The following CSMD1 variants were observed in gnomAD, a reference collection of about 807,000 sequenced individuals.
CSMD1 encodes CUB and Sushi multiple domains 1.
In CSMD1, 213 loss-of-function variants were observed where a neutral mutation model predicts 417.5. The observed-to-expected ratio is 0.51, with a 90% CI of 0.46 to 0.57. The LOEUF (loss-of-function observed/expected upper bound fraction) is 0.57, where lower values mean the gene tolerates loss of function less well. Among genes scored for constraint, CSMD1 ranks in the 20% least tolerant of loss-of-function variants. CSMD1 has a pLI of 0.00. For missense variants in CSMD1, 6,923 were observed against 4,529.7 expected, an observed-to-expected ratio of 1.53 and a Z score of -15.17; for synonymous variants, 2,862 against 1,736.8, an observed-to-expected ratio of 1.65 and a Z score of -16.11.
At chr8:3,730,040 G>T (rs1021598915) in intron 6 of CSMD1, among the ~76,000 whole-genome samples, 1 of 149,108 alleles carries the variant, frequency 6.7e-6, no homozygotes, top group South Asian at 2.1e-4. Flanking sequence ...CGCTGCAAGT[G>T]TTTCCACAGG....
At chr8:4,104,908 TGTGA>T (rs1460473479) in intron 3 of CSMD1, among the ~76,000 whole-genome samples, 90 of 152,168 alleles carry the variant, frequency 5.9e-4, no homozygotes, top group African/African-American at 2.0e-3. Flanking sequence ...TCAATCCCAC[TGTGA>T]GTGAGAATTA....
chr8:3,343,537 GATGCAGTTT>G, intron 22 of CSMD1, 87 bp from the exon 23 acceptor site: 1 of 1,215,254 alleles, frequency 8.2e-7, no homozygotes, highest in Non-Finnish European at 1.2e-6. Flanking sequence ...AATCTTCAAA[GATGCAGTTT>G]TAAACAATAC....
chr8:3,801,078 T>C (rs763366238), intron 5 of CSMD1, among the ~76,000 whole-genome samples: 6 of 151,726 alleles, frequency 4.0e-5, no homozygotes, highest in Non-Finnish European at 7.4e-5. Context: ...CTTGATATGA[T>C]ACAAAAAGCA....
intron 2 of CSMD1, among the ~76,000 whole-genome samples, chr8:4,549,130 T>C (rs892433548): frequency 2.6e-5 from 4 of 152,134 alleles, no homozygotes; most frequent in African/African-American, 4.8e-5. Flanking sequence ...AAAAATAGCA[T>C]CTTGCCCCAA....
intron 5 of CSMD1, among the ~76,000 whole-genome samples, chr8:3,889,754 C>A (rs952658588): frequency 7.9e-5 from 12 of 151,766 alleles, no homozygotes; most frequent in African/African-American, 2.7e-4. Context: ...ATAGTATCAC[C>A]TTAAGCATAT....
At chr8:3,572,706 C>A (rs1314789883) in intron 10 of CSMD1, among the ~76,000 whole-genome samples, 1 of 152,164 alleles carries the variant, frequency 6.6e-6, no homozygotes, top group Non-Finnish European at 1.5e-5. Flanking sequence ...TGGGATACTT[C>A]TGGTCTCGAT....
chr8:3,415,603 C>T lies in CSMD1; in HGVS notation c.1562-5998G>A, dbSNP rs530989746. ...CCAACTCCTGGCCTCAAGTGATCTG[C>T]CCTCCTCTAGCCTCCCAACAGGCTG... is the stretch of plus-strand genomic sequence containing the variant. On this transcript the variant is annotated intron_variant, in intron 12 of 69. Transcript: ENST00000635120. Among the ~76,000 whole-genome samples, 34 of 152,276 alleles carry T rather than the reference C, an allele frequency of 2.2e-4. No individual in the cohort carries two copies. In the South Asian group the frequency reaches 6.8e-3, roughly 31 times the overall value.
intron 19 of CSMD1, among the ~76,000 whole-genome samples, chr8:3,367,680 A>G (rs565364108): frequency 9.8e-5 from 15 of 152,356 alleles, no homozygotes; most frequent in East Asian, 3.9e-4. Flanking sequence ...TTAAGTGCAT[A>G]TAAGTACAGA....
At chr8:4,794,674 C>G (rs147219720) in intron 1 of CSMD1, among the ~76,000 whole-genome samples, 39 of 152,294 alleles carry the variant, frequency 2.6e-4, no homozygotes, top group African/African-American at 8.7e-4. Flanking sequence ...CTTCTGCTGA[C>G]TGCTATTGGC....
intron 3 of CSMD1, among the ~76,000 whole-genome samples, chr8:4,158,516 A>T (rs904559869): frequency 3.2e-4 from 49 of 152,290 alleles, no homozygotes; most frequent in African/African-American, 1.2e-3. Context: ...AAAAACTCCC[A>T]AAGAAACAGT....
intron 3 of CSMD1, among the ~76,000 whole-genome samples, chr8:4,236,969 T>C (rs1234319442): frequency 6.6e-6 from 1 of 152,240 alleles, no homozygotes; most frequent in East Asian, 1.9e-4. Context: ...GCAGTTACAC[T>C]GAGGACCAAC....
chr8:4,428,775 A>C (rs554884702), intron 2 of CSMD1, among the ~76,000 whole-genome samples: 1 of 152,114 alleles, frequency 6.6e-6, no homozygotes, highest in African/African-American at 2.4e-5. Context: ...GCTGGAGTGC[A>C]GTGGCGTGAT....
At chr8:3,862,691 A>G (rs2129106579) in intron 5 of CSMD1, among the ~76,000 whole-genome samples, 1 of 152,194 alleles carries the variant, frequency 6.6e-6, no homozygotes, top group East Asian at 1.9e-4. Context: ...TTTTCTATAT[A>G]GGAATTCAAA....
intron 7 of CSMD1, among the ~76,000 whole-genome samples, chr8:3,650,206 A>G (rs1290365238): frequency 6.6e-6 from 1 of 152,012 alleles, no homozygotes; most frequent in Non-Finnish European, 1.5e-5. Context: ...TTGAACCCAG[A>G]AGGCAGATTT....
chr8:4,697,064 C>G (rs1807181870), intron 1 of CSMD1, among the ~76,000 whole-genome samples: 1 of 152,086 alleles, frequency 6.6e-6, no homozygotes, highest in South Asian at 2.1e-4. Flanking sequence ...CCCAGCTACT[C>G]AGGAGGCTGA....
intron 5 of CSMD1, among the ~76,000 whole-genome samples, chr8:3,756,436 C>T (rs536510425): frequency 6.6e-5 from 10 of 151,696 alleles, no homozygotes; most frequent in Middle Eastern, 3.4e-3. Context: ...ATACAAAAAA[C>T]GTTAAATTCA....
chr8:4,894,803 G>C (rs894911148), intron 1 of CSMD1, among the ~76,000 whole-genome samples: 1 of 151,868 alleles, frequency 6.6e-6, no homozygotes, highest in African/African-American at 2.4e-5. Context: ...ATTTCCTCAT[G>C]AACGGACAAC....
chr8:4,867,805 C>A (rs933316780), intron 1 of CSMD1, among the ~76,000 whole-genome samples: 1 of 152,050 alleles, frequency 6.6e-6, no homozygotes, highest in Non-Finnish European at 1.5e-5. Flanking sequence ...TAAATACATT[C>A]ATTTTACTAC....
At chr8:4,604,411 G>GTGTGTGTGTGTGCA (rs1554522695) in intron 2 of CSMD1, among the ~76,000 whole-genome samples, 1 of 20,374 alleles carries the variant, frequency 4.9e-5, no homozygotes, top group African/African-American at 7.0e-5. Flanking sequence ...GTGTGTGTGT[G>GTGTGTGTGTGTGCA]CGCGTGCGTA....
Sources: gnomAD v4.1 joint callset for allele counts (sites outside exome capture counted in the v4.1 genomes callset) on GRCh38, gnomAD v4.1.1 for gene constraint, MANE v1.5 for transcripts, NCBI Gene and HGNC (gene_info 2026-07-23, HGNC 2026-07-21) for gene names.